KCNH8: variants seen among roughly 807,000 people sequenced by gnomAD.
KCNH8 encodes the protein potassium voltage-gated channel subfamily H member 8, also known as voltage-gated delayed rectifier potassium channel KCNH8.
Under a neutral mutation model 103.6 loss-of-function variants are expected in KCNH8, and 70 were observed. That is an observed-to-expected ratio of 0.68 (90% CI 0.56 to 0.82). KCNH8 has a LOEUF of 0.82. Among genes scored for constraint, KCNH8 ranks in the 40% least tolerant of loss-of-function variants. The pLI, the probability that KCNH8 is intolerant of heterozygous loss-of-function variation, is 0.00. For synonymous variants in KCNH8, 498 were observed against 489.4 expected (o/e 1.02, Z -0.23); for missense variants, 1,217 against 1,329.9 (o/e 0.92, Z 1.32).
At chr3:19,393,567 T>C (rs7635827) in intron 6 of KCNH8, among the ~76,000 whole-genome samples, 15 of 152,142 alleles carry the variant, frequency 9.9e-5, no homozygotes, top group African/African-American at 3.6e-4. Flanking sequence ...TACAAAATTG[T>C]CACCTAACCA....
chr3:19,453,061 G>T, intron 10 of KCNH8, among the ~76,000 whole-genome samples: 1 of 152,106 alleles, frequency 6.6e-6, no homozygotes. Context: ...AATATGGATT[G>T]AACTGGAGGC....
intron 5 of KCNH8, among the ~76,000 whole-genome samples, chr3:19,355,683 T>C (rs1448626904): frequency 6.6e-5 from 10 of 151,950 alleles, no homozygotes; most frequent in African/African-American, 1.2e-4. Flanking sequence ...AATTGAACAA[T>C]GAGAATACTT....
intron 11 of KCNH8, among the ~76,000 whole-genome samples, chr3:19,499,579 C>T (rs1421163432): frequency 1.3e-5 from 2 of 152,200 alleles, no homozygotes; most frequent in Non-Finnish European, 2.9e-5. Context: ...AGCAGACTAA[C>T]AGCAGATCTC....
chr3:19,473,423 C>T (rs987019319), intron 11 of KCNH8, among the ~76,000 whole-genome samples: 2 of 152,148 alleles, frequency 1.3e-5, no homozygotes, highest in Non-Finnish European at 2.9e-5. Flanking sequence ...TATTTGTGCT[C>T]TTATTTGCTT....
At chr3:19,348,499 T>G (rs1348105328) in intron 5 of KCNH8, among the ~76,000 whole-genome samples, 2 of 152,116 alleles carry the variant, frequency 1.3e-5, no homozygotes, top group African/African-American at 2.4e-5. Context: ...AAAGGATGTT[T>G]GTTAAGATAA....
intron 12 of KCNH8, among the ~76,000 whole-genome samples, chr3:19,511,068 A>G (rs561119487): frequency 3.9e-5 from 6 of 152,280 alleles, no homozygotes; most frequent in East Asian, 1.9e-4. Context: ...ATAGGTATAC[A>G]TGTGCCCTGG....
At chr3:19,375,251 C>T (rs373751567) in intron 5 of KCNH8, among the ~76,000 whole-genome samples, 15 of 151,850 alleles carry the variant, frequency 9.9e-5, no homozygotes, top group African/African-American at 1.7e-4. Flanking sequence ...ACCAATCAGA[C>T]GTAGATTTGG....
At chr3:19,252,472 C>G (rs1409173409) in intron 1 of KCNH8, among the ~76,000 whole-genome samples, 1 of 151,832 alleles carries the variant, frequency 6.6e-6, no homozygotes, top group Non-Finnish European at 1.5e-5. Flanking sequence ...TCACTGCAAC[C>G]TTCGCCTTCT....
chr3:19,333,611 T>C (rs2065541558), intron 3 of KCNH8, among the ~76,000 whole-genome samples: 1 of 152,172 alleles, frequency 6.6e-6, no homozygotes, highest in Non-Finnish European at 1.5e-5. Context: ...AAATTAACAA[T>C]AGACTGTTGT....
intron 11 of KCNH8, among the ~76,000 whole-genome samples, chr3:19,503,974 G>A (rs1166478380): frequency 6.6e-6 from 1 of 151,904 alleles, no homozygotes; most frequent in Non-Finnish European, 1.5e-5. Flanking sequence ...AGAATGCTGG[G>A]ATACTGTACA....
intron 3 of KCNH8, among the ~76,000 whole-genome samples, chr3:19,324,542 G>A (rs2125305805): frequency 6.6e-6 from 1 of 152,208 alleles, no homozygotes; most frequent in South Asian, 2.1e-4. Context: ...TGAGATTTGG[G>A]TGGGGACACA....
At chr3:19,213,464 G>A (rs570480603) in intron 1 of KCNH8, among the ~76,000 whole-genome samples, 1 of 152,246 alleles carries the variant, frequency 6.6e-6, no homozygotes, top group East Asian at 1.9e-4. Context: ...CCCCTAGGAT[G>A]TCTAGTAGGC....
chr3:19,151,223 TC>T (rs1288695956), intron 1 of KCNH8, among the ~76,000 whole-genome samples: 1 of 152,140 alleles, frequency 6.6e-6, no homozygotes, highest in Admixed American at 6.5e-5. Flanking sequence ...CCTATGATAA[TC>T]CTTACTTCTA....
intron 5 of KCNH8, among the ~76,000 whole-genome samples, chr3:19,368,342 T>C (rs1308433049): frequency 6.6e-6 from 1 of 152,014 alleles, no homozygotes; most frequent in Non-Finnish European, 1.5e-5. Flanking sequence ...GTAGGAAAGA[T>C]ATCTGTGGTG....
At chr3:19,373,199 C>T (rs1469031056) in intron 5 of KCNH8, among the ~76,000 whole-genome samples, 1 of 151,964 alleles carries the variant, frequency 6.6e-6, no homozygotes, top group Non-Finnish European at 1.5e-5. Flanking sequence ...CCAGCTCCTC[C>T]TTGTACCTCT....
rs77726818 is a variant in KCNH8, at chr3:19,493,685, G to C, written c.2041-16678G>C. Among the ~76,000 whole-genome samples the C allele has an allele frequency of 8.3e-4, 127 of 152,198 alleles. 1 individual carries two copies. The East Asian group carries it at 0.019, about 23-fold the overall frequency. On this transcript the variant is annotated intron_variant, in intron 11 of 15. Coordinates refer to ENST00000328405, the MANE Select transcript of KCNH8 (RefSeq NM_144633.3). ...CTCTTGTTCCAGTTTTCAAGGGGAA[G>C]GGTTTTTTAGCTTTTGCTCATTCCA...
At chr3:19,356,244 TC>T (rs2065880863) in intron 5 of KCNH8, among the ~76,000 whole-genome samples, 1 of 151,940 alleles carries the variant, frequency 6.6e-6, no homozygotes, top group African/African-American at 2.4e-5. Flanking sequence ...CTGTAGGTCT[TC>T]TGAGAAATTT....
At chr3:19,391,050 G>C (rs1344672074) in intron 6 of KCNH8, among the ~76,000 whole-genome samples, 1 of 151,766 alleles carries the variant, frequency 6.6e-6, no homozygotes, top group Non-Finnish European at 1.5e-5. Context: ...TATTTCTTTA[G>C]TATTTTGTTA....
At chr3:19,531,350 T>C (rs984667009) in intron 15 of KCNH8, among the ~76,000 whole-genome samples, 11 of 152,226 alleles carry the variant, frequency 7.2e-5, no homozygotes, top group African/African-American at 2.2e-4. Context: ...GTGTGATTCA[T>C]GTGCTTTAGA....
Sources: allele counts gnomAD v4.1 joint callset (sites outside exome capture counted in the v4.1 genomes callset), GRCh38; gene constraint gnomAD v4.1.1; transcripts MANE v1.5; gene names NCBI Gene and HGNC (gene_info 2026-07-23, HGNC 2026-07-21).